PAX8: variants seen among roughly 807,000 people sequenced by gnomAD.
The protein encoded by PAX8 is paired box 8, also known as paired box protein Pax-8.
In PAX8, 15 loss-of-function variants were observed where a neutral mutation model predicts 52.4. The observed-to-expected ratio is 0.29, with a 90% CI of 0.19 to 0.44. PAX8 has a LOEUF of 0.44. PAX8 is among the 20% of genes least tolerant of loss of function. The pLI is 1.00. For synonymous variants in PAX8, 284 were observed against 249.7 expected, an observed-to-expected ratio of 1.14 and a Z score of -1.29; for missense variants, 554 against 602.5, an observed-to-expected ratio of 0.92 and a Z score of 0.84.
At chr2:113,223,152 C>A (rs781618120) in intron 10 of PAX8, among the ~76,000 whole-genome samples, 2 of 152,058 alleles carry the variant, frequency 1.3e-5, no homozygotes, top group African/African-American at 2.4e-5. Flanking sequence ...GCATCTCAAT[C>A]ATAACACGGC....
At chr2:113,260,878 TTGTGTG>T (rs34240850) in intron 2 of PAX8, among the ~76,000 whole-genome samples, 3 of 148,116 alleles carry the variant, frequency 2.0e-5, no homozygotes, top group Non-Finnish European at 4.5e-5. Flanking sequence ...AGTGACTGTT[TTGTGTG>T]TGTGTGTGTG....
At chr2:113,242,632 A>G in intron 5 of PAX8, 58 bp downstream of exon 5, 1 of 1,118,404 alleles carries the variant, frequency 8.9e-7, no homozygotes, top group Non-Finnish European at 1.4e-6. Flanking sequence ...ATATGTGGGT[A>G]TGCTGAAGGG....
rs576030477 is a variant in PAX8, at chr2:113,245,192, G to A, written c.192-568C>T. Among the ~76,000 whole-genome samples the A allele has an allele frequency of 5.5e-3, 840 of 152,026 alleles. 2 individuals carry two copies. The highest frequency in any genetic ancestry group is 8.8e-3 in the Non-Finnish European group (601 of 67,976). On this transcript the variant is annotated intron_variant, in intron 3 of 11. Coordinates refer to ENST00000429538, the MANE Select transcript of PAX8 (RefSeq NM_003466.4). The stretch of plus-strand genomic sequence containing the variant: ...CTCCCGAGTAGCTGGGATTACAAGC[G>A]TCTGCCACCACACCCGGCTAATTTT...
At position 113,242,789 on chromosome 2, in the gene PAX8, GAGA is replaced by G. The variant is rs1690971691; in HGVS notation, c.390-14_390-12del. On this transcript the variant is annotated splice_polypyrimidine_tract_variant and intron_variant, in intron 4 of 11. Transcript: ENST00000429538. ...TTGGTCCGGATGATTCTGTGATGAAGAGAAGAAAGGCCATGAGAGAGAAGAGGA... is the reference window on the plus strand; with the variant it reads ...TTGGTCCGGATGATTCTGTGATGAAGAGAAAGGCCATGAGAGAGAAGAGGA... 2 of 1,606,454 alleles carry G rather than the reference GAGA, an allele frequency of 1.2e-6. No individual in the cohort carries two copies. The highest frequency in any genetic ancestry group is 1.7e-5 in the Admixed American group (1 of 59,964).
chr2:113,278,318 G>A, intron 2 of PAX8, 52 bp downstream of exon 2: 2 of 1,393,604 alleles, frequency 1.4e-6, no homozygotes, highest in Non-Finnish European at 2.0e-6. Context: ...GCGCACGCAC[G>A]GACGCTCAGC....
chr2:113,239,853 C>T (rs1039818098), intron 7 of PAX8: 3 of 152,178 alleles, frequency 2.0e-5, no homozygotes, highest in Admixed American at 6.5e-5. Flanking sequence ...TCTGATTGCC[C>T]AAGCCCTCCT....
rs2104498416 is a variant in PAX8, at chr2:113,244,556, T to C, written c.260A>G (p.Lys87Arg). ...GGSKPKVATP[K>R]VVEKIGDYKR... ...GTAGTCCCCAATCTTCTCCACCACC[T>C]TGGGGGTGGCCACCTTGGGCTTGGA... Residue 87 changes from lysine to arginine, a missense_variant, in exon 4 of 12, where the codon AAG (lysine) becomes AGG (arginine). Physicochemically the swap from Lys to Arg is conservative, Grantham distance 26. Coordinates refer to ENST00000429538, the MANE Select transcript of PAX8 (RefSeq NM_003466.4). 6.2e-7 allele frequency: 1 copy of C among 1,613,876 alleles called. No homozygotes were observed. Among genetic ancestry groups the C allele is most frequent in the Non-Finnish European group, 8.5e-7 (1 of 1,179,744 alleles).
chr2:113,254,965 G>A (rs11123173), intron 2 of PAX8, among the ~76,000 whole-genome samples: 77,820 of 151,210 alleles, frequency 0.51, 20,309 homozygotes, highest in African/African-American at 0.6. Context: ...CCAGGACATA[G>A]TCTCAGTAAG....
In PAX8 at chr2:113,246,741, A is replaced by G. The variant is rs1384536381; in HGVS notation, c.191+13T>C. On this transcript the variant is annotated intron_variant, in intron 3 of 11. Transcript: ENST00000429538. The stretch of plus-strand genomic sequence containing the variant: ...CTGCGGGGAAGGCGGCCTGCGGTGA[A>G]TTTCGTGCTTACCTGCCAAGGATCT... 6.2e-7 allele frequency: 1 copy of G among 1,610,360 alleles called. No homozygotes were observed. Among genetic ancestry groups the G allele is most frequent in the Admixed American group, 1.7e-5 (1 of 59,990 alleles).
At chr2:113,243,551 C>T (rs1233833047) in intron 4 of PAX8, among the ~76,000 whole-genome samples, 1 of 152,138 alleles carries the variant, frequency 6.6e-6, no homozygotes, top group Non-Finnish European at 1.5e-5. Flanking sequence ...GCCACCACAC[C>T]CAGTTAATTT....
At chr2:113,275,149 A>G (rs893647219) in intron 2 of PAX8, 5 of 152,258 alleles carry the variant, frequency 3.3e-5, no homozygotes, top group Non-Finnish European at 5.9e-5. Context: ...TTCCAAATAA[A>G]TGCTTCCAAT....
At chr2:113,256,010 A>C (rs1692222120) in intron 2 of PAX8, among the ~76,000 whole-genome samples, 1 of 151,682 alleles carries the variant, frequency 6.6e-6, no homozygotes. Flanking sequence ...AAAAAAAAAA[A>C]AGTTCTCCAG....
At chr2:113,240,140 C>T (rs1237123291) in intron 7 of PAX8, 1 of 152,426 alleles carries the variant, frequency 6.6e-6, no homozygotes, top group East Asian at 1.9e-4. Context: ...TGCAGGCTTA[C>T]TCTCACAGAG....
intron 7 of PAX8, 143 bp from the exon 8 acceptor site, chr2:113,236,864 A>C: frequency 1.1e-6 from 1 of 944,498 alleles, no homozygotes; most frequent in Non-Finnish European, 1.5e-6. Flanking sequence ...TTACGTTCTC[A>C]ACTCCACTCG....
Position 113,224,839 on chromosome 2 carries a change from T to TAAA in PAX8, c.1189+2315_1189+2316insTTT, listed in dbSNP as rs1480934593. Among the ~76,000 whole-genome samples, 56 of 143,634 alleles carry TAAA rather than the reference T, an allele frequency of 3.9e-4. 1 individual carries two copies. Among genetic ancestry groups the TAAA allele is most frequent in the African/African-American group, 1.3e-3 (50 of 38,720 alleles). 94.2% of individuals were successfully genotyped at this position (143,634 alleles called of 152,430 possible). A position where few individuals can be genotyped will look rare whatever the true frequency, so the allele number is the denominator to read the frequency against. On this transcript the variant is annotated intron_variant, in intron 10 of 11. Transcript: ENST00000429538. ...AATAAAAAAATAAAATAAAATAAAATATAAAATAAAATAAAATAAAATAAA... is the reference window on the plus strand; with the variant it reads ...AATAAAAAAATAAAATAAAATAAAATAAAATAAAATAAAATAAAATAAAATAAA...
chr2:113,243,636 C>T (rs1691064772), intron 4 of PAX8, among the ~76,000 whole-genome samples: 1 of 152,230 alleles, frequency 6.6e-6, no homozygotes, highest in African/African-American at 2.4e-5. Context: ...AGGTGATCCA[C>T]CTGCCTTGGC....
intron 10 of PAX8, among the ~76,000 whole-genome samples, chr2:113,223,189 C>A (rs1689361759): frequency 6.6e-6 from 1 of 152,012 alleles, no homozygotes; most frequent in African/African-American, 2.4e-5. Context: ...TTCCACTTGC[C>A]ATCTACTACA....
At position 113,235,505 on chromosome 2, in the gene PAX8, T is replaced by C; in HGVS notation, c.976A>G (p.Ser326Gly). 1 of 1,613,786 alleles carries C rather than the reference T, an allele frequency of 6.2e-7. No individual in the cohort carries two copies. Among genetic ancestry groups the C allele is most frequent in the East Asian group, 2.2e-5 (1 of 44,870 alleles). ...SSSSTPSSLS[S>G]SAFLDLQQVG... Reference sequence around the variant, plus strand: ...TGCTGCAGATCCAAAAAGGCGGAGCTAGATAAAGAGGAAGGGGTGGAGCTA... The same window carrying C: ...TGCTGCAGATCCAAAAAGGCGGAGCCAGATAAAGAGGAAGGGGTGGAGCTA... Residue 326 changes from serine (S) to glycine (G), a missense_variant, in exon 9 of 12, where the codon AGC (serine) becomes GGC (glycine). Ser to Gly is a moderately conservative substitution (Grantham distance 56). This residue lies in a region of PAX8 where 445 missense variants were observed against 409.9 expected (regional missense o/e 1.09). Transcript: ENST00000429538.
At chr2:113,264,356 A>C (rs1424745408) in intron 2 of PAX8, among the ~76,000 whole-genome samples, 1 of 152,222 alleles carries the variant, frequency 6.6e-6, no homozygotes, top group Non-Finnish European at 1.5e-5. Flanking sequence ...CAAAGGCTGC[A>C]TTTCTTGCTT....
Sources: gnomAD v4.1 joint callset for allele counts (sites outside exome capture counted in the v4.1 genomes callset) on GRCh38, gnomAD v4.1.1 for gene constraint, gnomAD v4.1.1 regional missense constraint, MANE v1.5 for transcripts, NCBI Gene and HGNC (gene_info 2026-07-23, HGNC 2026-07-21) for gene names.